KIRREL3: variants seen among roughly 807,000 people sequenced by gnomAD.
KIRREL3 encodes kirre like nephrin family adhesion molecule 3.
A neutral mutation model predicts 89.7 loss-of-function variants in KIRREL3; 36 were observed. The observed-to-expected ratio is 0.40, with a 90% CI of 0.31 to 0.53. KIRREL3 has a LOEUF of 0.53. KIRREL3 is among the 20% of genes least tolerant of loss of function. KIRREL3 has a pLI of 0.49. For synonymous variants in KIRREL3, 445 were observed against 441.4 expected (o/e 1.01, Z -0.10); for missense variants, 864 against 1,056.6 (o/e 0.82, Z 2.53).
chr11:126,805,847 C>A lies in KIRREL3; in HGVS notation c.55+194608G>T, dbSNP rs1951187239. Among the ~76,000 whole-genome samples the A allele has an allele frequency of 6.6e-6, 1 of 152,180 alleles. No individual in the cohort carries two copies. The highest frequency in any genetic ancestry group is 1.5e-5 in the Non-Finnish European group (1 of 68,044). ...TATTCATCCAAGTTCCCACTCAGCC[C>A]CCAGCAGACCAGAGAGTCAAACCCA... is the stretch of plus-strand genomic sequence containing the variant. On this transcript the variant is annotated intron_variant, in intron 1 of 16. Transcript: ENST00000525144. The surrounding 1 kb of genome is among the most constrained non-coding windows in gnomAD (Gnocchi z 4.3).
In KIRREL3 at chr11:126,429,745, C is replaced by T. The variant is rs1284582267; in HGVS notation, c.1697-457G>A. On this transcript the variant is annotated intron_variant, in intron 14 of 16. Coordinates refer to ENST00000525144, the MANE Select transcript of KIRREL3 (RefSeq NM_032531.4). This position sits in a 1 kb window ranked among gnomAD's most constrained non-coding sequence, Gnocchi z 5.2. Reference sequence around the variant, plus strand: ...CAACCCCCATCCAAAGAGAAACGCCCCTGAGGCAGTGGGCAGCTTCTCTGT... The same window carrying T: ...CAACCCCCATCCAAAGAGAAACGCCTCTGAGGCAGTGGGCAGCTTCTCTGT... Among the ~76,000 whole-genome samples, 1 of 152,252 alleles carries T rather than the reference C, an allele frequency of 6.6e-6. No individual in the cohort carries two copies. The highest frequency in any genetic ancestry group is 2.4e-5 in the African/African-American group (1 of 41,478).
chr11:126,926,202 G>A (rs1461243414), intron 1 of KIRREL3, among the ~76,000 whole-genome samples: 1 of 152,180 alleles, frequency 6.6e-6, no homozygotes, highest in Non-Finnish European at 1.5e-5. Context: ...ACGAAAACTT[G>A]GGGCCTGGCA....
chr11:126,716,285 A>G (rs1010717587), intron 1 of KIRREL3, among the ~76,000 whole-genome samples: 1 of 152,168 alleles, frequency 6.6e-6, no homozygotes, highest in Non-Finnish European at 1.5e-5. Context: ...AGCAGCTAAT[A>G]TGTATGGAGC....
Position 126,521,542 on chromosome 11 carries a change from G to A in KIRREL3, c.284-78C>T, listed in dbSNP as rs1016991272. On this transcript the variant is annotated intron_variant, in intron 3 of 16. Transcript: ENST00000525144. This position sits in a 1 kb window ranked among gnomAD's most constrained non-coding sequence, Gnocchi z 4.1. ...CATGACAAAGAGGCACAGAATGGAGGACCCAAGCAGGGGCCATTCTACAAG... is the reference window on the plus strand; with the variant it reads ...CATGACAAAGAGGCACAGAATGGAGAACCCAAGCAGGGGCCATTCTACAAG... 29 of 1,333,906 alleles carry A rather than the reference G, an allele frequency of 2.2e-5. No homozygotes were observed. In the African/African-American group the frequency reaches 2.6e-4, roughly 12 times the overall value. 82.6% of individuals were successfully genotyped at this position (1,333,906 alleles called of 1,614,324 possible).
intron 1 of KIRREL3, among the ~76,000 whole-genome samples, chr11:126,957,583 G>A (rs982389354): frequency 1.3e-5 from 2 of 152,200 alleles, no homozygotes; most frequent in African/African-American, 4.8e-5. Flanking sequence ...GTCAAAGAAG[G>A]AGCAGTCTAG....
At position 126,541,690 on chromosome 11, in the gene KIRREL3, T is replaced by C. The variant is rs984547296; in HGVS notation, c.134-15003A>G. Among the ~76,000 whole-genome samples, 3 of 152,190 alleles carry C rather than the reference T, an allele frequency of 2.0e-5. No homozygotes were observed. The highest frequency in any genetic ancestry group is 4.8e-5 in the African/African-American group (2 of 41,450). Reference sequence around the variant, plus strand: ...GAGCTGGGTCAAGGAATCTGCATTTTAATAGCTTCTGGGTCATCCTTCTGC... The same window carrying C: ...GAGCTGGGTCAAGGAATCTGCATTTCAATAGCTTCTGGGTCATCCTTCTGC... On this transcript the variant is annotated intron_variant, in intron 2 of 16. Coordinates refer to ENST00000525144, the MANE Select transcript of KIRREL3 (RefSeq NM_032531.4). This position sits in a 1 kb window ranked among gnomAD's most constrained non-coding sequence, Gnocchi z 4.8.
At chr11:126,502,627 T>C (rs979213270) in intron 4 of KIRREL3, among the ~76,000 whole-genome samples, 1 of 152,150 alleles carries the variant, frequency 6.6e-6, no homozygotes, top group African/African-American at 2.4e-5. Flanking sequence ...TGCAAGAAAA[T>C]AGAATGCAGT....
In KIRREL3 at chr11:126,563,927, C is replaced by T. The variant is rs1047584630; in HGVS notation, c.56-1015G>A. On this transcript the variant is annotated intron_variant, in intron 1 of 16. Coordinates refer to ENST00000525144, the MANE Select transcript of KIRREL3 (RefSeq NM_032531.4). This position sits in a 1 kb window ranked among gnomAD's most constrained non-coding sequence, Gnocchi z 6.8. Reference sequence around the variant, plus strand: ...ATGGGCCACTGCAACTGACATTATGCAGATGGGAAAATTGAGGTTCAACCA... The same window carrying T: ...ATGGGCCACTGCAACTGACATTATGTAGATGGGAAAATTGAGGTTCAACCA... Among the ~76,000 whole-genome samples, 5 of 152,244 alleles carry T rather than the reference C, an allele frequency of 3.3e-5. No homozygotes were observed. Among genetic ancestry groups the T allele is most frequent in the Admixed American group, 6.5e-5 (1 of 15,292 alleles).
At chr11:126,834,235 G>T (rs1943703877) in intron 1 of KIRREL3, among the ~76,000 whole-genome samples, 1 of 152,200 alleles carries the variant, frequency 6.6e-6, no homozygotes, top group Admixed American at 6.5e-5. Flanking sequence ...CAAGCTGGGA[G>T]GTGAGGTTGT....
At chr11:126,698,881 C>A (rs957638058) in intron 1 of KIRREL3, among the ~76,000 whole-genome samples, 1 of 152,222 alleles carries the variant, frequency 6.6e-6, no homozygotes, top group African/African-American at 2.4e-5. Flanking sequence ...CAAGTCACTG[C>A]CCTTCGTGCA....
At chr11:126,998,619 G>A (rs919829728) in intron 1 of KIRREL3, among the ~76,000 whole-genome samples, 32 of 152,310 alleles carry the variant, frequency 2.1e-4, no homozygotes, top group African/African-American at 7.5e-4. Context: ...AGATTCACAT[G>A]AAGCAGTCAA....
rs1958406250 is a variant in KIRREL3 at position 126,516,289 on chromosome 11, C to T, written c.433+5026G>A. On this transcript the variant is annotated intron_variant, in intron 4 of 16. Transcript: ENST00000525144. The surrounding 1 kb of genome is among the most constrained non-coding windows in gnomAD (Gnocchi z 4.9). ...ACAGCAGAGTTAATATTAGAACGGG[C>T]CAGGAAGAAGAGGGAAATGAGGAGG... Among the ~76,000 whole-genome samples the T allele has an allele frequency of 6.6e-6, 1 of 152,048 alleles. No homozygotes were observed. The highest frequency in any genetic ancestry group is 2.1e-4 in the South Asian group (1 of 4,814).
Position 126,521,189 on chromosome 11 carries a change from T to A in KIRREL3, c.433+126A>T. 1 of 1,023,366 alleles carries A rather than the reference T, an allele frequency of 9.8e-7. No homozygotes were observed. Among genetic ancestry groups the A allele is most frequent in the Non-Finnish European group, 1.3e-6 (1 of 749,496 alleles). The allele number at this position is 1,023,366 out of a possible 1,614,324, so 63.4% of individuals were successfully genotyped here. ...CATGGATATTGTGGAAGCAGCAGTGTCTGGAGCCCTGTGGGATGATCCCCA... is the reference window on the plus strand; with the variant it reads ...CATGGATATTGTGGAAGCAGCAGTGACTGGAGCCCTGTGGGATGATCCCCA... On this transcript the variant is annotated intron_variant, in intron 4 of 16. Transcript: ENST00000525144. This position sits in a 1 kb window ranked among gnomAD's most constrained non-coding sequence, Gnocchi z 4.1.
rs532937676 is a variant in KIRREL3 at position 126,584,163 on chromosome 11, C to T, written c.56-21251G>A. On this transcript the variant is annotated intron_variant, in intron 1 of 16. Transcript: ENST00000525144. ...GAGCAGTGGCAGCAGCCAGGGCACC[C>T]GATGAATTCTGCAGGCGTGGGCTGC... 1.1e-4 allele frequency among the ~76,000 whole-genome samples: 16 copies of T among 152,218 alleles called. No homozygotes were observed. In the East Asian group the frequency reaches 1.2e-3, roughly 11 times the overall value.
chr11:126,768,015 G>T lies in KIRREL3; in HGVS notation c.56-205103C>A, dbSNP rs1398333472. On this transcript the variant is annotated intron_variant, in intron 1 of 16. Transcript: ENST00000525144. This position sits in a 1 kb window ranked among gnomAD's most constrained non-coding sequence, Gnocchi z 4.5. ...TAATCTTCATGACATCCAAAGCCCT[G>T]TGTTCTGCTTCTGAAATGTCTCTCC... is the stretch of plus-strand genomic sequence containing the variant. 6.6e-6 allele frequency among the ~76,000 whole-genome samples: 1 copy of T among 152,232 alleles called. No individual in the cohort carries two copies. The highest frequency in any genetic ancestry group is 1.9e-4 in the East Asian group (1 of 5,200).
chr11:126,453,594 C>T (rs1956251210), intron 7 of KIRREL3, among the ~76,000 whole-genome samples: 2 of 152,226 alleles, frequency 1.3e-5, no homozygotes, highest in African/African-American at 4.8e-5. Context: ...TTCTAAACAC[C>T]TGGCTGCTTG....
chr11:126,487,567 A>G (rs1024050270), intron 4 of KIRREL3, among the ~76,000 whole-genome samples: 2 of 152,224 alleles, frequency 1.3e-5, no homozygotes, highest in Non-Finnish European at 2.9e-5. Context: ...AAAAGTCAAA[A>G]TCCTTTTCCG....
chr11:126,555,215 C>G lies in KIRREL3; in HGVS notation c.133+7620G>C, dbSNP rs1027571528. ...TGACTGGCCGGTTCCAGCGTTCATT[C>G]CCTCTGGTTCCTGCACTTGCTTGCT... On this transcript the variant is annotated intron_variant, in intron 2 of 16. Coordinates refer to ENST00000525144, the MANE Select transcript of KIRREL3 (RefSeq NM_032531.4). The surrounding 1 kb of genome is among the most constrained non-coding windows in gnomAD (Gnocchi z 4.2). Among the ~76,000 whole-genome samples, 2 of 152,182 alleles carry G rather than the reference C, an allele frequency of 1.3e-5. No individual in the cohort carries two copies.
In KIRREL3 at chr11:126,428,815, T is replaced by G. The variant is rs1955028663; in HGVS notation, c.1806+364A>C. On this transcript the variant is annotated intron_variant, in intron 15 of 16. Coordinates refer to ENST00000525144, the MANE Select transcript of KIRREL3 (RefSeq NM_032531.4). The surrounding 1 kb of genome is among the most constrained non-coding windows in gnomAD (Gnocchi z 6.4). ...GCGCCCGCCACCACGCCCAGCTAAT[T>G]TTTGTATTTTTAGTAGAGATGTAGT... Among the ~76,000 whole-genome samples the G allele has an allele frequency of 6.6e-6, 1 of 152,022 alleles. No homozygotes were observed. Among genetic ancestry groups the G allele is most frequent in the Admixed American group, 6.6e-5 (1 of 15,262 alleles).
Sources: allele counts gnomAD v4.1 joint callset (sites outside exome capture counted in the v4.1 genomes callset), GRCh38; gene constraint gnomAD v4.1.1; non-coding constraint Gnocchi (gnomAD v3.1); transcripts MANE v1.5; gene names NCBI Gene and HGNC (gene_info 2026-07-23, HGNC 2026-07-21).